Variants in RAB6A observed in about 807,000 individuals in gnomAD.
The protein encoded by RAB6A is ras-related protein Rab-6A.
A neutral mutation model predicts 32.3 loss-of-function variants in RAB6A; 8 were observed. The observed-to-expected ratio is 0.25, with a 90% CI of 0.15 to 0.45. The LOEUF is 0.45. Among genes scored for constraint, RAB6A ranks in the 20% least tolerant of loss-of-function variants. The pLI, the probability that RAB6A is intolerant of heterozygous loss-of-function variation, is 1.00. For missense variants in RAB6A, 104 were observed against 249.4 expected (o/e 0.42, Z 3.93); for synonymous variants, 73 against 82.1 (o/e 0.89, Z 0.60).
rs1946232574 is a variant in RAB6A, at chr11:73,726,932, A to G, written c.129+3833T>C. ...AGACTGTGGTCTGAGAAGAGAATAC[A>G]TGATTTTCAGAGAAGGTCTGAGATT... On this transcript the variant is annotated intron_variant, in intron 2 of 7. Transcript: ENST00000336083. Among the ~76,000 whole-genome samples the G allele has an allele frequency of 2.0e-5, 3 of 152,196 alleles. No individual in the cohort carries two copies. In the South Asian group the frequency reaches 6.2e-4, roughly 32 times the overall value.
At chr11:73,679,833 T>A in intron 6 of RAB6A, 113 bp from the exon 7 acceptor site, 1 of 1,395,284 alleles carries the variant, frequency 7.2e-7, no homozygotes, top group Non-Finnish European at 1.0e-6. Context: ...GGCTCACACC[T>A]GTAATCCCAG....
chr11:73,719,739 C>T (rs1415365888), intron 3 of RAB6A, among the ~76,000 whole-genome samples: 1 of 151,882 alleles, frequency 6.6e-6, no homozygotes, highest in African/African-American at 2.4e-5. Flanking sequence ...CCTCAGCCTC[C>T]CGAGTAGCTG....
At chr11:73,750,374 G>A (rs1946654780) in intron 1 of RAB6A, among the ~76,000 whole-genome samples, 1 of 148,708 alleles carries the variant, frequency 6.7e-6, no homozygotes, top group South Asian at 2.1e-4. Flanking sequence ...TTTTGAGACA[G>A]AGTCGCACTC....
At chr11:73,748,842 A>G (rs1180262758) in intron 1 of RAB6A, among the ~76,000 whole-genome samples, 1 of 152,130 alleles carries the variant, frequency 6.6e-6, no homozygotes, top group East Asian at 1.9e-4. Flanking sequence ...ATTATGGATT[A>G]GGCTGGGCGC....
chr11:73,696,196 CTTTATT>C (rs1049476561), intron 6 of RAB6A, among the ~76,000 whole-genome samples: 228 of 152,062 alleles, frequency 1.5e-3, no homozygotes, highest in African/African-American at 5.4e-3. Context: ...GGACTTTTGA[CTTTATT>C]TTTATTTTTA....
At chr11:73,746,031 A>T (rs1946583835) in intron 1 of RAB6A, among the ~76,000 whole-genome samples, 1 of 151,770 alleles carries the variant, frequency 6.6e-6, no homozygotes, top group Non-Finnish European at 1.5e-5. Context: ...TAGAGATACA[A>T]AACAATGAAG....
chr11:73,696,152 TA>T (rs1301302621), intron 6 of RAB6A, among the ~76,000 whole-genome samples: 2 of 152,170 alleles, frequency 1.3e-5, no homozygotes, highest in African/African-American at 4.8e-5. Flanking sequence ...GTTTTATACA[TA>T]ACTGAATTCT....
chr11:73,696,960 CCT>C (rs1360954801), intron 6 of RAB6A, among the ~76,000 whole-genome samples: 1 of 152,086 alleles, frequency 6.6e-6, no homozygotes, highest in Non-Finnish European at 1.5e-5. Flanking sequence ...AAAATGGCTT[CCT>C]CTCTCACTGG....
chr11:73,713,096 G>A (rs1330260124), intron 5 of RAB6A, among the ~76,000 whole-genome samples: 1 of 152,148 alleles, frequency 6.6e-6, no homozygotes, highest in Non-Finnish European at 1.5e-5. Context: ...GGGGTATTCT[G>A]TCTTGAACCT....
At chr11:73,722,305 G>GTATGTGTGTGTGTATATA (rs1555061991) in intron 2 of RAB6A, 1 of 42,368 alleles carries the variant, frequency 2.4e-5, no homozygotes, top group Admixed American at 2.8e-4. Flanking sequence ...ATGTGTGTGT[G>GTATGTGTGTGTGTATATA]TATATATATA....
At chr11:73,737,282 C>T (rs1394568594) in intron 1 of RAB6A, among the ~76,000 whole-genome samples, 1 of 151,776 alleles carries the variant, frequency 6.6e-6, no homozygotes, top group Non-Finnish European at 1.5e-5. Flanking sequence ...TACAGGAGTT[C>T]GAGATCAGCC....
At chr11:73,700,157 C>G (rs1402772893) in intron 6 of RAB6A, among the ~76,000 whole-genome samples, 2 of 152,096 alleles carry the variant, frequency 1.3e-5, no homozygotes, top group Non-Finnish European at 2.9e-5. Flanking sequence ...TAAGGTGACA[C>G]CACACACTTA....
At chr11:73,724,365 C>A (rs1487625874) in intron 2 of RAB6A, among the ~76,000 whole-genome samples, 13 of 152,044 alleles carry the variant, frequency 8.6e-5, no homozygotes, top group Non-Finnish European at 1.8e-4. Context: ...AAGTCAAGAA[C>A]AGTACTCTCT....
chr11:73,710,039 A>C (rs1945925346), intron 5 of RAB6A, among the ~76,000 whole-genome samples: 1 of 148,636 alleles, frequency 6.7e-6, no homozygotes, highest in Admixed American at 6.7e-5. Context: ...GCTCACTGCA[A>C]GCTCCACCTC....
intron 5 of RAB6A, among the ~76,000 whole-genome samples, chr11:73,708,041 TTA>T (rs1419958968): frequency 4.6e-5 from 7 of 152,230 alleles, no homozygotes; most frequent in African/African-American, 9.6e-5. Flanking sequence ...CTCCTATAAT[TTA>T]TATAACCATT....
At chr11:73,704,945 G>A (rs903986582) in intron 6 of RAB6A, among the ~76,000 whole-genome samples, 6 of 151,888 alleles carry the variant, frequency 4.0e-5, no homozygotes, top group African/African-American at 9.7e-5. Context: ...GCAGTGAGCC[G>A]AGATCACGCC....
rs370862344 is a variant in RAB6A at position 73,742,269 on chromosome 11, G to A, written c.71-11446C>T. Among the ~76,000 whole-genome samples, 148 of 151,954 alleles carry A rather than the reference G, an allele frequency of 9.7e-4. 2 individuals are homozygous for A. The East Asian group carries it at 0.014, about 15-fold the overall frequency. ...TGCACTCCAGCCTGGGCGACAGAGCGAGACTCTGTCTCAAAAATAAATAAA... is the reference window on the plus strand; with the variant it reads ...TGCACTCCAGCCTGGGCGACAGAGCAAGACTCTGTCTCAAAAATAAATAAA... On this transcript the variant is annotated intron_variant, in intron 1 of 7. Transcript: ENST00000336083.
In RAB6A at chr11:73,760,735, C is replaced by G; in HGVS notation, c.-100G>C. 6.7e-7 allele frequency: 1 copy of G among 1,503,466 alleles called. No homozygotes were observed. The highest frequency in any genetic ancestry group is 9.0e-7 in the Non-Finnish European group (1 of 1,110,678). The allele number at this position is 1,503,466 out of a possible 1,614,324, so 93.1% of individuals were successfully genotyped here. A position where few individuals can be genotyped will look rare whatever the true frequency, so the allele number is the denominator to read the frequency against. ...AAAAGGCGAGCGGAAGGGCGGGCAC[C>G]GAGCTCTCTCGGCCCCTGCAAGGCC... On this transcript the variant is annotated 5_prime_UTR_variant, in exon 1 of 8. Transcript: ENST00000336083.
intron 6 of RAB6A, chr11:73,704,244 A>T (rs1435331753): frequency 2.4e-6 from 1 of 411,426 alleles, no homozygotes; most frequent in Admixed American, 2.6e-5. Flanking sequence ...TTAGCTGGGC[A>T]TGGTGGTGTG....
Sources: gnomAD v4.1 joint callset for allele counts (sites outside exome capture counted in the v4.1 genomes callset) on GRCh38, gnomAD v4.1.1 for gene constraint, MANE v1.5 for transcripts, NCBI Gene and HGNC (gene_info 2026-07-23, HGNC 2026-07-21) for gene names.